Variants in SCEL observed in about 807,000 individuals in gnomAD.
SCEL encodes sciellin.
A neutral mutation model predicts 117.6 loss-of-function variants in SCEL; 113 were observed. That is an observed-to-expected ratio of 0.96 (90% CI 0.83 to 1.12). SCEL has a LOEUF of 1.12. SCEL is among the 50% of genes most tolerant of loss of function. The pLI is 0.00. For missense variants in SCEL, 785 were observed against 810.8 expected (o/e 0.97, Z 0.39); for synonymous variants, 270 against 256.2 (o/e 1.05, Z -0.51).
chr13:77,544,198 G>GT (rs1274162694), intron 1 of SCEL, among the ~76,000 whole-genome samples: 1 of 152,112 alleles, frequency 6.6e-6, no homozygotes, highest in African/African-American at 2.4e-5. Flanking sequence ...TGAAGTCCTT[G>GT]TTTTTTTCTC....
At chr13:77,575,549 A>G (rs17067972) in intron 9 of SCEL, among the ~76,000 whole-genome samples, 3,764 of 152,296 alleles carry the variant, frequency 0.025, 155 homozygotes, top group East Asian at 0.13. Flanking sequence ...TTATGCAATA[A>G]GAGAGTTCAG....
rs1053985 is a variant in SCEL at position 77,642,738 on chromosome 13, A to G, written c.1980A>G (p.Leu660=). The change falls in exon 32 of 33, where the codon CTA becomes CTG. Residue 660 remains leucine, a synonymous_variant. Transcript: ENST00000349847. The part of the protein sequence containing the change: ...CEICKQPLEN[L]QAGDSIWIYR... ...TATGCAAGCAGCCTTTGGAAAATCT[A>G]CAAGCGGGTGATAGTATTTGGATTT... The G allele has an allele frequency of 0.57, 907,194 of 1,595,558 alleles. 266,310 individuals are homozygous for G. Among genetic ancestry groups the G allele is most frequent in the Middle Eastern group, 0.62 (3,717 of 5,978 alleles).
At chr13:77,560,283 AAT>A (rs1491303295) in intron 4 of SCEL, among the ~76,000 whole-genome samples, 2 of 150,936 alleles carry the variant, frequency 1.3e-5, no homozygotes, top group East Asian at 1.9e-4. Flanking sequence ...AAAAAAAAAA[AAT>A]TAATTAGCTA....
chr13:77,572,088 A>C, intron 8 of SCEL, 36 bp from the exon 9 acceptor site: 2 of 1,579,764 alleles, frequency 1.3e-6, no homozygotes, highest in Non-Finnish European at 1.7e-6. Flanking sequence ...TCAGCCTTTC[A>C]ATCACAATGT....
At chr13:77,642,963 T>C (rs1045716874) in intron 32 of SCEL, among the ~76,000 whole-genome samples, 155 bp downstream of exon 32, 3 of 152,158 alleles carry the variant, frequency 2.0e-5, no homozygotes, top group African/African-American at 7.2e-5. Context: ...TAGTATTTTG[T>C]TTAATGGTGT....
intron 27 of SCEL, among the ~76,000 whole-genome samples, chr13:77,622,863 T>TA (rs2089499316): frequency 6.6e-6 from 1 of 151,828 alleles, no homozygotes; most frequent in Non-Finnish European, 1.5e-5. Flanking sequence ...CCCCAGTCTC[T>TA]AAAAAACAAA....
At chr13:77,567,119 G>A (rs1008806348) in intron 5 of SCEL, among the ~76,000 whole-genome samples, 4 of 152,114 alleles carry the variant, frequency 2.6e-5, no homozygotes, top group Non-Finnish European at 5.9e-5. Flanking sequence ...AGAGTTAAAT[G>A]CTCAATGAGT....
rs1567413460 is a variant in SCEL at position 77,608,932 on chromosome 13, T to G, written c.1218-126T>G. ...AGTCTTTTAAATTAAGAGCATAGAC[T>G]GGTATCAATTTATCTCAAAACTCAG... On this transcript the variant is annotated intron_variant, in intron 20 of 32. Coordinates refer to ENST00000349847, the MANE Select transcript of SCEL (RefSeq NM_144777.3). 6 of 724,956 alleles carry G rather than the reference T, an allele frequency of 8.3e-6. No individual in the cohort carries two copies. In the African/African-American group the frequency reaches 1.1e-4, roughly 13 times the overall value. 44.9% of individuals were successfully genotyped at this position (724,956 alleles called of 1,614,324 possible).
chr13:77,540,816 T>G (rs888762396), intron 1 of SCEL, among the ~76,000 whole-genome samples: 1 of 152,248 alleles, frequency 6.6e-6, no homozygotes, highest in Non-Finnish European at 1.5e-5. Flanking sequence ...TGAACGACTT[T>G]AAGTAGGTGA....
intron 5 of SCEL, among the ~76,000 whole-genome samples, chr13:77,565,657 A>AT (rs1234885824): frequency 1.3e-5 from 2 of 152,226 alleles, no homozygotes; most frequent in African/African-American, 4.8e-5. Flanking sequence ...TATATCTGGT[A>AT]TGTGTGCATT....
chr13:77,556,376 GT>G (rs1488763494), intron 2 of SCEL, among the ~76,000 whole-genome samples: 1 of 152,180 alleles, frequency 6.6e-6, no homozygotes, highest in Non-Finnish European at 1.5e-5. Flanking sequence ...GGCACTGGCA[GT>G]TTCAGTTGGC....
chr13:77,567,843 T>C, intron 6 of SCEL, 95 bp downstream of exon 6: 3 of 754,930 alleles, frequency 4.0e-6, no homozygotes, highest in Middle Eastern at 2.4e-4. Context: ...ACTTGATATC[T>C]TTCTGTAAAT....
intron 13 of SCEL, 76 bp downstream of exon 13, chr13:77,597,665 G>T (rs565919210): frequency 1.3e-6 from 1 of 744,344 alleles, no homozygotes; most frequent in South Asian, 1.9e-5. Flanking sequence ...GTCTTTGAGC[G>T]TGAGGACCCA....
intron 1 of SCEL, among the ~76,000 whole-genome samples, chr13:77,544,182 C>A (rs1302101852): frequency 2.0e-5 from 3 of 152,202 alleles, no homozygotes; most frequent in Non-Finnish European, 2.9e-5. Context: ...TCTCAGCAGT[C>A]AGAATTGAAG....
At chr13:77,615,041 A>G (rs1305652003) in intron 24 of SCEL, among the ~76,000 whole-genome samples, 1 of 152,170 alleles carries the variant, frequency 6.6e-6, no homozygotes, top group East Asian at 1.9e-4. Context: ...TCAGTTTAAT[A>G]TATTACATTT....
intron 1 of SCEL, among the ~76,000 whole-genome samples, chr13:77,549,417 G>C (rs1463023772): frequency 1.3e-5 from 2 of 152,246 alleles, no homozygotes; most frequent in African/African-American, 4.8e-5. Flanking sequence ...ACTACCCAAT[G>C]GTTACATGTT....
chr13:77,573,170 C>G (rs1451164513), intron 9 of SCEL, among the ~76,000 whole-genome samples: 3 of 152,160 alleles, frequency 2.0e-5, no homozygotes, highest in Non-Finnish European at 2.9e-5. Context: ...TTAATAAACA[C>G]TGCTGTGTGC....
chr13:77,617,819 A>T lies in SCEL; in HGVS notation c.1528A>T (p.Asn510Tyr), dbSNP rs763570316. 1.2e-6 allele frequency: 2 copies of T among 1,611,024 alleles called. No individual in the cohort carries two copies. Among genetic ancestry groups the T allele is most frequent in the African/African-American group, 2.7e-5 (2 of 74,838 alleles). Residue 510 changes from asparagine to tyrosine, a missense_variant, in exon 26 of 33, where the codon AAC becomes TAC. Coordinates refer to ENST00000349847, the MANE Select transcript of SCEL (RefSeq NM_144777.3). Reference sequence around the variant, plus strand: ...GATTTAAAGAAACCAAGATCTTGCTAACCTCATCAAAGTAAATCCTGCAGT... The same window carrying T: ...GATTTAAAGAAACCAAGATCTTGCTTACCTCATCAAAGTAAATCCTGCAGT... ...TNNQRNQDLA[N>Y]LIKVNPAVIR...
Position 77,580,884 on chromosome 13 carries a change from G to GC in SCEL, c.546-8260_546-8259insC, listed in dbSNP as rs1480932745. ...ATTTGTTTTGACCTCTTCTCCTTCA[G>GC]TGGTTATTTCACTTCCTGTTAGCTG... On this transcript the variant is annotated intron_variant, in intron 9 of 32. Coordinates refer to ENST00000349847, the MANE Select transcript of SCEL (RefSeq NM_144777.3). Among the ~76,000 whole-genome samples, 52 of 152,226 alleles carry GC rather than the reference G, an allele frequency of 3.4e-4. No homozygotes were observed. The South Asian group carries it at 8.1e-3, about 24-fold the overall frequency.
Sources: gnomAD v4.1 joint callset for allele counts (sites outside exome capture counted in the v4.1 genomes callset) on GRCh38, gnomAD v4.1.1 for gene constraint, MANE v1.5 for transcripts, NCBI Gene and HGNC (gene_info 2026-07-23, HGNC 2026-07-21) for gene names.